The following REEP1 variants were observed in gnomAD, a reference collection of about 807,000 sequenced individuals.
The protein encoded by REEP1 is receptor expression-enhancing protein 1.
REEP1 carries 22 observed loss-of-function variants against 40.3 expected under a neutral mutation model. The ratio of observed to expected loss-of-function variants is 0.55; its 90% CI spans 0.39 to 0.78. REEP1 has a LOEUF of 0.78. Ranked by LOEUF, REEP1 falls within the 30% of genes least tolerant of loss-of-function variation. The pLI, the probability that REEP1 is intolerant of heterozygous loss-of-function variation, is 0.00. For missense variants in REEP1, 280 were observed against 361.1 expected, an observed-to-expected ratio of 0.78 and a Z score of 1.82; for synonymous variants, 116 against 139.2, an observed-to-expected ratio of 0.83 and a Z score of 1.17.
chr2:86,263,750 A>G (rs1479269389), intron 3 of REEP1, among the ~76,000 whole-genome samples: 1 of 152,204 alleles, frequency 6.6e-6, no homozygotes, highest in East Asian at 1.9e-4. Context: ...CAGGGCTTAG[A>G]ATAATAACTG....
At chr2:86,276,031 A>C (rs547999925) in intron 2 of REEP1, among the ~76,000 whole-genome samples, 1 of 152,230 alleles carries the variant, frequency 6.6e-6, no homozygotes, top group Non-Finnish European at 1.5e-5. Context: ...TGAGATGGCC[A>C]GGTCTGTGGA....
chr2:86,221,977 C>T (rs971895974), intron 7 of REEP1, among the ~76,000 whole-genome samples: 5 of 152,236 alleles, frequency 3.3e-5, no homozygotes, highest in Admixed American at 6.5e-5. Flanking sequence ...GGGTGGGTAC[C>T]GGTTCGAGAC....
intron 1 of REEP1, among the ~76,000 whole-genome samples, chr2:86,336,107 G>A (rs977356083): frequency 6.6e-6 from 1 of 152,170 alleles, no homozygotes; most frequent in African/African-American, 2.4e-5. Flanking sequence ...GCAAGACAGT[G>A]TTGGTCAGGC....
chr2:86,277,650 C>G (rs1677839606), intron 2 of REEP1, among the ~76,000 whole-genome samples: 1 of 151,992 alleles, frequency 6.6e-6, no homozygotes, highest in Non-Finnish European at 1.5e-5. Context: ...AGATTTGGGC[C>G]CCATCACAGG....
chr2:86,232,174 C>T (rs527410328), intron 6 of REEP1, among the ~76,000 whole-genome samples: 2 of 152,236 alleles, frequency 1.3e-5, no homozygotes, highest in East Asian at 3.9e-4. Flanking sequence ...AGAGGACAGG[C>T]AATATTCAGG....
rs148236987 is a variant in REEP1, at chr2:86,296,725, C to T, written c.33-14483G>A. On this transcript the variant is annotated intron_variant, in intron 1 of 8. Transcript: ENST00000538924. ...TACAAAAATTAGCCAGGAGTGATGG[C>T]AGGCACCTGTAATCCCAGCTACTCA... 7.6e-3 allele frequency among the ~76,000 whole-genome samples: 1,158 copies of T among 152,234 alleles called. 24 individuals carry two copies. Among genetic ancestry groups the T allele is most frequent in the African/African-American group, 0.026 (1,067 of 41,534 alleles).
At chr2:86,325,009 A>G (rs745736176) in intron 1 of REEP1, among the ~76,000 whole-genome samples, 2 of 152,158 alleles carry the variant, frequency 1.3e-5, no homozygotes, top group Non-Finnish European at 2.9e-5. Context: ...CCTCACCACC[A>G]TTTCTTTATA....
chr2:86,328,497 G>A (rs1033142129), intron 1 of REEP1, among the ~76,000 whole-genome samples: 4 of 152,172 alleles, frequency 2.6e-5, no homozygotes, highest in African/African-American at 9.7e-5. Context: ...TGGCCAACAT[G>A]GTGAAACCCC....
chr2:86,311,558 C>T (rs923374388), intron 1 of REEP1, among the ~76,000 whole-genome samples: 4 of 152,074 alleles, frequency 2.6e-5, no homozygotes, highest in East Asian at 1.9e-4. Context: ...TCGGCCTGGA[C>T]GGGCATCACT....
At chr2:86,333,566 A>G (rs1680869865) in intron 1 of REEP1, among the ~76,000 whole-genome samples, 1 of 152,224 alleles carries the variant, frequency 6.6e-6, no homozygotes, top group Non-Finnish European at 1.5e-5. Flanking sequence ...AGGGGTGAGA[A>G]GCTCTTGATC....
chr2:86,262,143 G>A (rs981657410), intron 3 of REEP1, among the ~76,000 whole-genome samples: 2 of 152,302 alleles, frequency 1.3e-5, no homozygotes, highest in South Asian at 2.1e-4. Flanking sequence ...TATGCCGAAC[G>A]CTGGTTCCCT....
intron 6 of REEP1, among the ~76,000 whole-genome samples, chr2:86,227,827 C>T (rs1228753763): frequency 6.7e-6 from 1 of 150,306 alleles, no homozygotes; most frequent in African/African-American, 2.4e-5. Context: ...TGGCTGCTGC[C>T]TTGTACACGC....
chr2:86,289,449 T>C (rs550642470), intron 1 of REEP1, among the ~76,000 whole-genome samples: 1 of 152,348 alleles, frequency 6.6e-6, no homozygotes, highest in Non-Finnish European at 1.5e-5. Context: ...TAATGAATCC[T>C]GATATTCTTA....
chr2:86,334,433 G>T (rs899807740), intron 1 of REEP1, among the ~76,000 whole-genome samples: 1 of 152,134 alleles, frequency 6.6e-6, no homozygotes. Context: ...CATACCAGAG[G>T]TCTAGGGAGC....
At chr2:86,272,889 G>A (rs1677535140) in intron 2 of REEP1, among the ~76,000 whole-genome samples, 1 of 152,174 alleles carries the variant, frequency 6.6e-6, no homozygotes, top group African/African-American at 2.4e-5. Context: ...TTGGGAGGCT[G>A]AGGCAGGTGG....
rs116536887 is a variant in REEP1, at chr2:86,332,125, T to C, written c.32+5354A>G. 4.9e-3 allele frequency among the ~76,000 whole-genome samples: 744 copies of C among 152,240 alleles called. 11 individuals carry two copies. Among genetic ancestry groups the C allele is most frequent in the African/African-American group, 0.017 (717 of 41,540 alleles). On this transcript the variant is annotated intron_variant, in intron 1 of 8. Transcript: ENST00000538924. ...AAAGTGAAAATAATGTGCTTCTGTA[T>C]AAAGACAGATGAGATCTGAAAATTC... is the stretch of plus-strand genomic sequence containing the variant.
At chr2:86,236,547 C>A (rs1202752973) in intron 5 of REEP1, among the ~76,000 whole-genome samples, 1 of 152,138 alleles carries the variant, frequency 6.6e-6, no homozygotes, top group African/African-American at 2.4e-5. Context: ...TCTGGTGGTG[C>A]ATGCCTGCAA....
At chr2:86,302,041 C>T (rs1350806700) in intron 1 of REEP1, among the ~76,000 whole-genome samples, 1 of 152,238 alleles carries the variant, frequency 6.6e-6, no homozygotes, top group Non-Finnish European at 1.5e-5. Context: ...AGCCCAGCTT[C>T]CTGAAGCTTG....
Position 86,216,067 on chromosome 2 carries a change from A to G in REEP1, c.*972T>C, listed in dbSNP as rs550775840. The G allele has an allele frequency of 6.6e-6, 1 of 152,376 alleles. No individual in the cohort carries two copies. The highest frequency in any genetic ancestry group is 1.5e-5 in the Non-Finnish European group (1 of 68,038). 9.4% of individuals were successfully genotyped at this position (152,376 alleles called of 1,614,324 possible). On this transcript the variant is annotated 3_prime_UTR_variant, in exon 9 of 9. Coordinates refer to ENST00000538924, the MANE Select transcript of REEP1 (RefSeq NM_001371279.1). ...AGTTTTGCTAGAGTTCGCTAAAACA[A>G]GGTGCTCAGAGTGTAAGCTCCTCTG... is the stretch of plus-strand genomic sequence containing the variant.
Sources: gnomAD v4.1 joint callset for allele counts (sites outside exome capture counted in the v4.1 genomes callset) on GRCh38, gnomAD v4.1.1 for gene constraint, MANE v1.5 for transcripts, NCBI Gene and HGNC (gene_info 2026-07-23, HGNC 2026-07-21) for gene names.